The following AGO2 variants were observed in gnomAD, a reference collection of about 807,000 sequenced individuals.
The protein encoded by AGO2 is argonaute RISC catalytic component 2.
A neutral mutation model predicts 102.3 loss-of-function variants in AGO2; 5 were observed. The observed-to-expected ratio is 0.05, with a 90% CI of 0.03 to 0.10. The LOEUF (loss-of-function observed/expected upper bound fraction) is 0.10. AGO2 is among the 10% of genes least tolerant of loss of function. The probability of loss-of-function intolerance (pLI) is 1.00; values close to 1 mark genes in which losing one functional copy is unlikely to be tolerated. For missense variants in AGO2, 541 were observed against 1,183.7 expected (o/e 0.46, Z 7.97); for synonymous variants, 449 against 473.1 (o/e 0.95, Z 0.66).
At chr8:140,619,369 G>A (rs1346020020) in intron 1 of AGO2, among the ~76,000 whole-genome samples, 1 of 152,194 alleles carries the variant, frequency 6.6e-6, no homozygotes, top group Non-Finnish European at 1.5e-5. Context: ...TCCACTGAAT[G>A]TCTTACACTA....
upstream of AGO2, chr8:140,636,307 C>T (rs2074408144): frequency 6.6e-6 from 1 of 152,256 alleles, no homozygotes; most frequent in Admixed American, 6.5e-5. Context: ...TAGCTGGTAT[C>T]AGGGATCAGA....
intron 3 of AGO2, among the ~76,000 whole-genome samples, chr8:140,569,658 G>C (rs1294607151): frequency 6.6e-6 from 1 of 152,180 alleles, no homozygotes; most frequent in Non-Finnish European, 1.5e-5. Flanking sequence ...CTTCAAAGAA[G>C]AACCCAGGAG....
intron 16 of AGO2, among the ~76,000 whole-genome samples, chr8:140,538,462 A>G (rs1266601287): frequency 1.3e-5 from 2 of 152,172 alleles, no homozygotes; most frequent in East Asian, 3.9e-4. Context: ...AATACGGAAA[A>G]CACTTTTAAC....
chr8:140,620,271 G>A (rs936156285), intron 1 of AGO2, among the ~76,000 whole-genome samples: 1 of 152,170 alleles, frequency 6.6e-6, no homozygotes, highest in African/African-American at 2.4e-5. Context: ...CCTAAGAGCT[G>A]TAGGCCGGGT....
At chr8:140,606,660 G>A (rs1046626629) in intron 1 of AGO2, among the ~76,000 whole-genome samples, 1 of 152,210 alleles carries the variant, frequency 6.6e-6, no homozygotes, top group Non-Finnish European at 1.5e-5. Flanking sequence ...TAATTGGCTG[G>A]GCGCGGTGGC....
chr8:140,634,096 C>T (rs747361393), intron 1 of AGO2, among the ~76,000 whole-genome samples: 9 of 152,248 alleles, frequency 5.9e-5, no homozygotes, highest in Middle Eastern at 3.2e-3. Flanking sequence ...GAGGCCAGCA[C>T]CTGCTCCAGG....
intron 10 of AGO2, among the ~76,000 whole-genome samples, chr8:140,552,927 T>TG (rs1160945555): frequency 2.0e-5 from 3 of 152,126 alleles, no homozygotes; most frequent in Non-Finnish European, 4.4e-5. Flanking sequence ...AGATGTCCCC[T>TG]GGGGGGCAAA....
At chr8:140,608,574 T>C (rs372931018) in intron 1 of AGO2, among the ~76,000 whole-genome samples, 3 of 152,296 alleles carry the variant, frequency 2.0e-5, no homozygotes, top group East Asian at 3.9e-4. Flanking sequence ...GCAGACACCG[T>C]GGACGGAGCA....
upstream of AGO2, among the ~76,000 whole-genome samples, chr8:140,635,860 C>G (rs1333676150): frequency 6.9e-6 from 1 of 144,620 alleles, no homozygotes; most frequent in East Asian, 2.1e-4. Flanking sequence ...GCCCGGAGAC[C>G]TCGCCGGGCG....
intron 13 of AGO2, among the ~76,000 whole-genome samples, chr8:140,545,449 G>A (rs1318600398): frequency 6.6e-6 from 1 of 152,098 alleles, no homozygotes; most frequent in African/African-American, 2.4e-5. Flanking sequence ...TCCCTCTCCA[G>A]GCCTTGAACT....
rs1332399257 is a variant in AGO2 at position 140,589,898 on chromosome 8, G to C, written c.23-4587C>G. ...CTCCTGCTAAAATCAGGACACGAGGGTGACAACTCACCTGTTGTCTACACA... is the reference window on the plus strand; with the variant it reads ...CTCCTGCTAAAATCAGGACACGAGGCTGACAACTCACCTGTTGTCTACACA... On this transcript the variant is annotated intron_variant, in intron 1 of 18. Transcript: ENST00000220592. The surrounding 1 kb of genome is among the most constrained non-coding windows in gnomAD (Gnocchi z 4.2). Among the ~76,000 whole-genome samples the C allele has an allele frequency of 1.3e-5, 2 of 152,204 alleles. No homozygotes were observed. Among genetic ancestry groups the C allele is most frequent in the African/African-American group, 2.4e-5 (1 of 41,442 alleles).
rs370199991 is a variant in AGO2 at position 140,532,388 on chromosome 8, G to A, written c.2471+28C>T. 4.4e-6 allele frequency: 7 copies of A among 1,598,490 alleles called. No homozygotes were observed. The African/African-American group carries it at 8.0e-5, about 18-fold the overall frequency. On this transcript the variant is annotated intron_variant, in intron 18 of 18. Transcript: ENST00000220592. ...ACCCGTGGCAAAAACCACCCCTGCTGTGACCTCCAGCCAGGCATGCCACTC... is the reference window on the plus strand; with the variant it reads ...ACCCGTGGCAAAAACCACCCCTGCTATGACCTCCAGCCAGGCATGCCACTC...
intron 12 of AGO2, among the ~76,000 whole-genome samples, chr8:140,548,053 C>G (rs1374241303): frequency 6.6e-6 from 1 of 152,230 alleles, no homozygotes; most frequent in Non-Finnish European, 1.5e-5. Context: ...CGGTGGCTCA[C>G]ACCTGTAATC....
intron 1 of AGO2, among the ~76,000 whole-genome samples, chr8:140,598,536 C>T (rs116516174): frequency 1.6e-4 from 25 of 152,316 alleles, no homozygotes; most frequent in African/African-American, 5.3e-4. Context: ...CCCACGGTGC[C>T]GTAGGATCAC....
At chr8:140,538,040 G>A (rs932638179) in intron 16 of AGO2, among the ~76,000 whole-genome samples, 2 of 152,000 alleles carry the variant, frequency 1.3e-5, no homozygotes, top group African/African-American at 2.4e-5. Flanking sequence ...GGCTGGTCTC[G>A]GTCTCCTGAC....
At chr8:140,577,773 T>C (rs981996684) in intron 2 of AGO2, among the ~76,000 whole-genome samples, 1 of 151,964 alleles carries the variant, frequency 6.6e-6, no homozygotes, top group African/African-American at 2.4e-5. Context: ...TTCAAGGAAA[T>C]ACAACCGAGC....
intron 2 of AGO2, among the ~76,000 whole-genome samples, chr8:140,579,736 T>C (rs1051454459): frequency 1.3e-5 from 2 of 151,482 alleles, no homozygotes; most frequent in African/African-American, 4.9e-5. Flanking sequence ...GGAGAACGGG[T>C]GGGTCAGAGG....
intron 1 of AGO2, among the ~76,000 whole-genome samples, chr8:140,612,159 G>C (rs2074086397): frequency 7.1e-6 from 1 of 141,084 alleles, no homozygotes; most frequent in South Asian, 2.3e-4. Context: ...AGAGGCGGAG[G>C]TTGCAGTGAG....
chr8:140,637,247 A>G (rs2074416259), upstream of AGO2: 2 of 152,202 alleles, frequency 1.3e-5, no homozygotes, highest in Admixed American at 1.3e-4. Flanking sequence ...GAACCATGCA[A>G]CCTCATCAAT....
Sources: allele counts gnomAD v4.1 joint callset (sites outside exome capture counted in the v4.1 genomes callset), GRCh38; gene constraint gnomAD v4.1.1; non-coding constraint Gnocchi (gnomAD v3.1); transcripts MANE v1.5; gene names NCBI Gene and HGNC (gene_info 2026-07-23, HGNC 2026-07-21).